Variants in CDH13 observed in about 807,000 individuals in gnomAD.
The protein encoded by CDH13 is cadherin-13.
A neutral mutation model predicts 63.8 loss-of-function variants in CDH13; 24 were observed. The ratio of observed to expected loss-of-function variants is 0.38; its 90% CI spans 0.27 to 0.53. CDH13 has a LOEUF of 0.53. CDH13 is among the 20% of genes least tolerant of loss of function. The pLI, the probability that CDH13 is intolerant of heterozygous loss-of-function variation, is 0.85. For synonymous variants in CDH13, 503 were observed against 355.3 expected, an observed-to-expected ratio of 1.42 and a Z score of -4.67; for missense variants, 1,049 against 903.1, an observed-to-expected ratio of 1.16 and a Z score of -2.07.
intron 6 of CDH13, among the ~76,000 whole-genome samples, chr16:83,418,224 A>C (rs1340246639): frequency 6.6e-6 from 1 of 152,142 alleles, no homozygotes; most frequent in Admixed American, 6.5e-5. Flanking sequence ...CTCTCTTTTT[A>C]TATGTGATTA....
chr16:82,974,286 G>T (rs1041770306), intron 2 of CDH13, among the ~76,000 whole-genome samples: 4 of 152,086 alleles, frequency 2.6e-5, no homozygotes, highest in Non-Finnish European at 4.4e-5. Flanking sequence ...AAACATCCAG[G>T]CTGTTATTTC....
chr16:83,044,080 C>A (rs1455722927), intron 3 of CDH13, among the ~76,000 whole-genome samples: 1 of 152,162 alleles, frequency 6.6e-6, no homozygotes, highest in African/African-American at 2.4e-5. Context: ...GAGTTCCTAC[C>A]ACATGTTAGA....
At chr16:83,416,477 T>G (rs375197428) in intron 6 of CDH13, among the ~76,000 whole-genome samples, 1 of 152,222 alleles carries the variant, frequency 6.6e-6, no homozygotes, top group African/African-American at 2.4e-5. Context: ...GGGTCTTATC[T>G]CTTCTTGTGC....
intron 4 of CDH13, among the ~76,000 whole-genome samples, chr16:83,172,303 C>T (rs932626116): frequency 6.6e-6 from 1 of 152,022 alleles, no homozygotes; most frequent in African/African-American, 2.4e-5. Flanking sequence ...CCAGCCTGGG[C>T]TATAGTGAAA....
intron 6 of CDH13, among the ~76,000 whole-genome samples, chr16:83,346,284 A>G (rs1026938743): frequency 6.6e-6 from 1 of 152,204 alleles, no homozygotes; most frequent in African/African-American, 2.4e-5. Flanking sequence ...CAGACAATCC[A>G]CGTGGCCCCT....
chr16:83,077,532 G>T (rs914976904), intron 3 of CDH13, among the ~76,000 whole-genome samples: 4 of 152,052 alleles, frequency 2.6e-5, no homozygotes, highest in African/African-American at 9.6e-5. Context: ...TCATACATCA[G>T]CATTCATTTC....
intron 1 of CDH13, among the ~76,000 whole-genome samples, chr16:82,693,960 A>T (rs1042471129): frequency 6.6e-6 from 1 of 152,232 alleles, no homozygotes; most frequent in Non-Finnish European, 1.5e-5. Context: ...GATTAAAATG[A>T]TGTCATTTAT....
At chr16:82,840,684 C>CACAA in intron 1 of CDH13, among the ~76,000 whole-genome samples, 1 of 86,750 alleles carries the variant, frequency 1.2e-5, no homozygotes, top group Non-Finnish European at 2.2e-5. Context: ...GAATCCATCT[C>CACAA]AAAAAAAAAA....
intron 5 of CDH13, among the ~76,000 whole-genome samples, chr16:83,273,100 G>C (rs1307361756): frequency 6.6e-6 from 1 of 152,076 alleles, no homozygotes; most frequent in Non-Finnish European, 1.5e-5. Context: ...GCTATCCATT[G>C]AGCAGTCTTT....
chr16:83,789,347 G>GT (rs1567597816), intron 13 of CDH13, among the ~76,000 whole-genome samples: 2 of 140,018 alleles, frequency 1.4e-5, no homozygotes, highest in African/African-American at 2.8e-5. Context: ...CTTTTTTTTT[G>GT]TTTGTCTGTT....
At chr16:82,664,358 T>G (rs947983992) in intron 1 of CDH13, among the ~76,000 whole-genome samples, 1 of 152,210 alleles carries the variant, frequency 6.6e-6, no homozygotes, top group African/African-American at 2.4e-5. Context: ...ACTAGCTGAT[T>G]AGTAAATTCA....
chr16:82,978,994 C>G (rs1253388020), intron 2 of CDH13, among the ~76,000 whole-genome samples: 1 of 152,212 alleles, frequency 6.6e-6, no homozygotes, highest in Non-Finnish European at 1.5e-5. Flanking sequence ...TGCCCAAGAT[C>G]ATGGGAGCCC....
At chr16:83,618,745 G>GAA (rs34512652) in intron 8 of CDH13, among the ~76,000 whole-genome samples, 11 of 150,490 alleles carry the variant, frequency 7.3e-5, no homozygotes, top group Non-Finnish European at 1.2e-4. Context: ...CAAGTAAAAA[G>GAA]AAAAAAAATC....
At chr16:83,341,139 T>G (rs2151357428) in intron 5 of CDH13, among the ~76,000 whole-genome samples, 1 of 152,310 alleles carries the variant, frequency 6.6e-6, no homozygotes, top group East Asian at 1.9e-4. Context: ...CATATGAGGT[T>G]GTTTTGTTTT....
At chr16:83,423,424 G>A (rs1419652072) in intron 6 of CDH13, among the ~76,000 whole-genome samples, 1 of 151,896 alleles carries the variant, frequency 6.6e-6, no homozygotes, top group African/African-American at 2.4e-5. Context: ...TCTGCTAGAA[G>A]GAAATTCCAG....
chr16:83,256,748 G>A (rs1486456260), intron 5 of CDH13, among the ~76,000 whole-genome samples: 1 of 150,816 alleles, frequency 6.6e-6, no homozygotes, highest in Non-Finnish European at 1.5e-5. Flanking sequence ...GGGAGGCTGA[G>A]GCAGGAGAAT....
At chr16:83,134,544 GGAGAGAGA>G (rs67135267) in intron 4 of CDH13, among the ~76,000 whole-genome samples, 1,270 of 84,300 alleles carry the variant, frequency 0.015, 17 homozygotes, top group Non-Finnish European at 0.021. Flanking sequence ...TGGGGTGGGG[GGAGAGAGA>G]GAGAGAGAGA....
intron 7 of CDH13, among the ~76,000 whole-genome samples, chr16:83,494,007 G>T (rs911516015): frequency 4.6e-5 from 7 of 152,178 alleles, no homozygotes; most frequent in Non-Finnish European, 8.8e-5. Flanking sequence ...TCTTTCTTCT[G>T]TTCTTGGGCT....
At chr16:82,865,695 A>G (rs540999297) in intron 2 of CDH13, among the ~76,000 whole-genome samples, 1 of 152,310 alleles carries the variant, frequency 6.6e-6, no homozygotes, top group East Asian at 1.9e-4. Context: ...CCCTGGAGAC[A>G]TCTCCCTCTT....
Sources: allele counts gnomAD v4.1 joint callset (sites outside exome capture counted in the v4.1 genomes callset), GRCh38; gene constraint gnomAD v4.1.1; transcripts MANE v1.5; gene names NCBI Gene and HGNC (gene_info 2026-07-23, HGNC 2026-07-21).